The following PLS1 variants were observed in gnomAD, a reference collection of about 807,000 sequenced individuals.
PLS1 encodes plastin 1.
A neutral mutation model predicts 73.7 loss-of-function variants in PLS1; 32 were observed. That is an observed-to-expected ratio of 0.43 (90% CI 0.33 to 0.58). The LOEUF is 0.58. Ranked by LOEUF, PLS1 falls within the 20% of genes least tolerant of loss-of-function variation. The pLI is 0.04. For synonymous variants in PLS1, 217 were observed against 261.3 expected, an observed-to-expected ratio of 0.83 and a Z score of 1.63; for missense variants, 633 against 740.5, an observed-to-expected ratio of 0.85 and a Z score of 1.68.
At chr3:142,680,915 T>G (rs2037839299) in intron 6 of PLS1, among the ~76,000 whole-genome samples, 2 of 152,208 alleles carry the variant, frequency 1.3e-5, no homozygotes, top group Non-Finnish European at 2.9e-5. Flanking sequence ...ACTGCCACTC[T>G]CATGTGGTGG....
intron 1 of PLS1, among the ~76,000 whole-genome samples, chr3:142,615,130 G>A (rs1013702186): frequency 6.6e-6 from 1 of 152,186 alleles, no homozygotes; most frequent in African/African-American, 2.4e-5. Context: ...CTGAAGAATA[G>A]CCCCAGGTCT....
chr3:142,692,136 G>C (rs2038097684), intron 10 of PLS1, among the ~76,000 whole-genome samples: 1 of 151,988 alleles, frequency 6.6e-6, no homozygotes, highest in Admixed American at 6.6e-5. Flanking sequence ...GGTCAGGGAG[G>C]GAGGAGGAAA....
chr3:142,630,938 AACACACACAC>A lies in PLS1; in HGVS notation c.-36-33238_-36-33229del, dbSNP rs140962182. Among the ~76,000 whole-genome samples, 41 of 137,454 alleles carry A rather than the reference AACACACACAC, an allele frequency of 3.0e-4. No individual in the cohort carries two copies. The Middle Eastern group carries it at 0.018, about 60-fold the overall frequency. The allele number at this position is 137,454 out of a possible 152,430, so 90.2% of individuals were successfully genotyped here. On this transcript the variant is annotated intron_variant, in intron 1 of 15. Coordinates refer to ENST00000457734, the MANE Select transcript of PLS1 (RefSeq NM_001145319.2). The stretch of plus-strand genomic sequence containing the variant: ...GAACAGAATAGAGAGCATGTAAATA[AACACACACAC>A]ACACACACACACACACACACACACA...
In PLS1 at chr3:142,711,519, A is replaced by G; in HGVS notation, c.1648A>G (p.Ser550Gly). ...SSFKDKSIST[S>G]LPVLDLIDAI... ...TTTCTAGGATAAATCTATAAGCACA[A>G]GTTTACCTGTCCTAGATTTAATAGA... The change falls in exon 15 of 16, where the codon AGT (serine) becomes GGT (glycine). Residue 550 changes from serine (S) to glycine (G), a missense_variant. Ser to Gly is a moderately conservative substitution (Grantham distance 56, BLOSUM62 0). Transcript: ENST00000457734. 1.3e-6 allele frequency: 2 copies of G among 1,593,308 alleles called. No individual in the cohort carries two copies. Among genetic ancestry groups the G allele is most frequent in the Non-Finnish European group, 1.7e-6 (2 of 1,162,772 alleles).
At chr3:142,684,202 T>C (rs2037914133) in intron 7 of PLS1, 31 bp downstream of exon 7, 7 of 1,613,642 alleles carry the variant, frequency 4.3e-6, no homozygotes, top group Non-Finnish European at 5.9e-6. Flanking sequence ...TGCTGTTCAT[T>C]GACATGTACT....
chr3:142,638,968 C>T (rs778641163), intron 1 of PLS1, among the ~76,000 whole-genome samples: 4 of 151,916 alleles, frequency 2.6e-5, no homozygotes, highest in Non-Finnish European at 4.4e-5. Context: ...CTCCAACTCC[C>T]GACCTCAGGT....
chr3:142,597,939 C>G (rs2035841049), intron 1 of PLS1, among the ~76,000 whole-genome samples: 2 of 152,186 alleles, frequency 1.3e-5, no homozygotes, highest in Non-Finnish European at 2.9e-5. Context: ...TGAAGCCCCA[C>G]CTAACAATTT....
intron 1 of PLS1, among the ~76,000 whole-genome samples, chr3:142,625,283 T>C (rs1181952325): frequency 6.6e-6 from 1 of 152,194 alleles, no homozygotes; most frequent in East Asian, 1.9e-4. Flanking sequence ...AGGCACTCCC[T>C]GGGTCTGGGC....
intron 1 of PLS1, chr3:142,597,288 C>G (rs1315065564): frequency 6.6e-6 from 1 of 152,144 alleles, no homozygotes; most frequent in Non-Finnish European, 1.5e-5. Context: ...GCATAAATTT[C>G]TTGAAGAACC....
intron 1 of PLS1, among the ~76,000 whole-genome samples, chr3:142,630,899 T>C (rs996652416): frequency 2.0e-5 from 3 of 147,364 alleles, no homozygotes; most frequent in East Asian, 2.0e-4. Context: ...TAAAGACATA[T>C]ATATAGACCA....
At chr3:142,642,256 A>G (rs571202232) in intron 1 of PLS1, among the ~76,000 whole-genome samples, 1 of 152,048 alleles carries the variant, frequency 6.6e-6, no homozygotes, top group Admixed American at 6.6e-5. Context: ...TTTTTTCCAT[A>G]TTCTTTGAGA....
intron 1 of PLS1, among the ~76,000 whole-genome samples, chr3:142,641,158 T>TTATA (rs138316946): frequency 7.7e-4 from 105 of 136,600 alleles, no homozygotes; most frequent in South Asian, 2.4e-3. Context: ...CCCAGAGTGA[T>TTATA]TATATATATA....
intron 1 of PLS1, chr3:142,627,741 C>G (rs2036460442): frequency 6.6e-6 from 1 of 152,134 alleles, no homozygotes; most frequent in Non-Finnish European, 1.5e-5. Context: ...AGAGATCCTC[C>G]TGAGGAGCTG....
intron 1 of PLS1, among the ~76,000 whole-genome samples, chr3:142,601,200 C>T (rs1020634371): frequency 3.3e-5 from 5 of 151,254 alleles, no homozygotes; most frequent in African/African-American, 1.2e-4. Flanking sequence ...GCTGGGATTA[C>T]AAGCATGAGC....
At chr3:142,701,228 C>T (rs989848975) in intron 12 of PLS1, among the ~76,000 whole-genome samples, 1 of 152,140 alleles carries the variant, frequency 6.6e-6, no homozygotes, top group Non-Finnish European at 1.5e-5. Context: ...GTTCTTGGGC[C>T]AAAGGTCTTA....
chr3:142,709,174 G>C (rs758397739), intron 14 of PLS1, among the ~76,000 whole-genome samples: 33 of 152,198 alleles, frequency 2.2e-4, no homozygotes, highest in Non-Finnish European at 3.8e-4. Flanking sequence ...GAGTCATCTA[G>C]AAAGCTTATT....
intron 8 of PLS1, among the ~76,000 whole-genome samples, chr3:142,685,317 C>T (rs1055173205): frequency 1.3e-5 from 2 of 152,172 alleles, no homozygotes; most frequent in East Asian, 3.8e-4. Context: ...GAGAAGCTTG[C>T]CAATTCTACT....
intron 4 of PLS1, among the ~76,000 whole-genome samples, chr3:142,675,397 T>C (rs993554227): frequency 6.9e-6 from 1 of 145,126 alleles, no homozygotes; most frequent in Admixed American, 6.8e-5. Flanking sequence ...TTTGTTTTTG[T>C]TTTTGAGACA....
At chr3:142,670,863 A>G in intron 3 of PLS1, 130 bp from the exon 4 acceptor site, 1 of 597,702 alleles carries the variant, frequency 1.7e-6, no homozygotes, top group Non-Finnish European at 2.9e-6. Flanking sequence ...ATCTGTGTAT[A>G]CAAGCAATAA....
Sources: allele counts gnomAD v4.1 joint callset (sites outside exome capture counted in the v4.1 genomes callset), GRCh38; gene constraint gnomAD v4.1.1; transcripts MANE v1.5; gene names NCBI Gene and HGNC (gene_info 2026-07-23, HGNC 2026-07-21).